ZNF835: variants seen among roughly 807,000 people sequenced by gnomAD.
ZNF835 encodes the protein zinc finger protein 835.
For synonymous variants in ZNF835, 323 were observed against 324.7 expected (o/e 0.99, Z 0.06); for missense variants, 783 against 758.4 (o/e 1.03, Z -0.38).
rs1299633026 is a variant in ZNF835, at chr19:56,663,837, G to C, written c.1362C>G (p.Ala454=). Residue 454 remains alanine (A), a synonymous_variant, in exon 2 of 2, where the codon GCC becomes GCG. Coordinates refer to ENST00000537055, the MANE Select transcript of ZNF835 (RefSeq NM_001005850.3). Reference sequence around the variant, plus strand: ...GGATCAGGTAGGAGCGGTTGCTGAAGGCCTTGCCGCACTCGGGGCAGGTGT... The same window carrying C: ...GGATCAGGTAGGAGCGGTTGCTGAACGCCTTGCCGCACTCGGGGCAGGTGT... ...RPYTCPECGK[A]FSNRSYLIQH... is the part of the protein sequence containing the mutation. The C allele has an allele frequency of 3.1e-6, 5 of 1,613,742 alleles. No individual in the cohort carries two copies. The highest frequency in any genetic ancestry group is 4.2e-6 in the Non-Finnish European group (5 of 1,179,966).
intron 1 of ZNF835, among the ~76,000 whole-genome samples, chr19:56,669,294 C>G (rs1408427112): frequency 6.6e-6 from 1 of 152,146 alleles, no homozygotes; most frequent in Non-Finnish European, 1.5e-5. Context: ...TCTCTGGGTG[C>G]TCGACAGCCC....
At chr19:56,666,251 T>C (rs963558399) in intron 1 of ZNF835, among the ~76,000 whole-genome samples, 2 of 152,076 alleles carry the variant, frequency 1.3e-5, no homozygotes, top group African/African-American at 4.8e-5. Context: ...GGACTACAGG[T>C]GCACGCCACC....
At chr19:56,671,262 C>T in intron 1 of ZNF835, among the ~76,000 whole-genome samples, 1 of 151,822 alleles carries the variant, frequency 6.6e-6, no homozygotes, top group East Asian at 1.9e-4. Context: ...CACTCAGGGA[C>T]AGGCTCACAG....
chr19:56,668,823 C>T (rs1368830629), intron 1 of ZNF835, among the ~76,000 whole-genome samples: 1 of 151,958 alleles, frequency 6.6e-6, no homozygotes, highest in African/African-American at 2.4e-5. Context: ...TAAGAACTTG[C>T]TGGTGGGGGC....
Position 56,664,982 on chromosome 19 carries a change from T to A in ZNF835, c.217A>T (p.Ser73Cys). 6.2e-7 allele frequency: 1 copy of A among 1,614,038 alleles called. No homozygotes were observed. The highest frequency in any genetic ancestry group is 1.6e-4 in the Middle Eastern group (1 of 6,062). ...CGGGAACTGCTGTCGTCGGGGACAC[T>A]GGCTTGGGTAGCAGCAGGGCTCGAT... ...TISSPAATQA[S>C]VPDDSSSRRC... is the part of the protein sequence containing the mutation. The change falls in exon 2 of 2, where the codon AGT (serine) becomes TGT (cysteine). Residue 73 changes from serine to cysteine, a missense_variant. Transcript: ENST00000537055.
rs769598202 is a variant in ZNF835, at chr19:56,663,505, G to A, written c.*80C>T. ...AAGTTAACAAGCTTCTCTGAGCCTCGGTTTCCTCACAGGAAGCGTCGGGGA... is the reference window on the plus strand; with the variant it reads ...AAGTTAACAAGCTTCTCTGAGCCTCAGTTTCCTCACAGGAAGCGTCGGGGA... On this transcript the variant is annotated 3_prime_UTR_variant, in exon 2 of 2. Coordinates refer to ENST00000537055, the MANE Select transcript of ZNF835 (RefSeq NM_001005850.3). 1.7e-4 allele frequency: 266 copies of A among 1,569,114 alleles called. No individual in the cohort carries two copies. Among genetic ancestry groups the A allele is most frequent in the Non-Finnish European group, 2.1e-4 (241 of 1,156,006 alleles).
In ZNF835 at chr19:56,663,266, C is replaced by T; in HGVS notation, c.*319G>A. 2 of 358,042 alleles carry T rather than the reference C, an allele frequency of 5.6e-6. No homozygotes were observed. The highest frequency in any genetic ancestry group is 1.0e-5 in the Non-Finnish European group (2 of 195,976). The allele number at this position is 358,042 out of a possible 1,614,324, so 22.2% of individuals were successfully genotyped here. ...CCCGGGAGGCAGAAGTTTCAGTGAG[C>T]CGAGATCGCTCCACTGCACTCTAGC... On this transcript the variant is annotated 3_prime_UTR_variant, in exon 2 of 2. Coordinates refer to ENST00000537055, the MANE Select transcript of ZNF835 (RefSeq NM_001005850.3).
intron 1 of ZNF835, among the ~76,000 whole-genome samples, chr19:56,668,090 C>T (rs537187450): frequency 5.9e-4 from 89 of 151,284 alleles, no homozygotes; most frequent in Middle Eastern, 3.5e-3. Flanking sequence ...CTTCACCTTC[C>T]GGGTTCAAGC....
rs1468553963 is a variant in ZNF835 at position 56,662,245 on chromosome 19, GAGA to G, written c.*1337_*1339del. The G allele has an allele frequency of 1.3e-5, 2 of 152,172 alleles. No homozygotes were observed. Among genetic ancestry groups the G allele is most frequent in the Non-Finnish European group, 2.9e-5 (2 of 68,054 alleles). The allele number at this position is 152,172 out of a possible 1,614,324, so 9.4% of individuals were successfully genotyped here. The stretch of plus-strand genomic sequence containing the variant: ...CACACCCAGGTGAGATGTGAGTCAG[GAGA>G]AGAAGATCAAATTGGCCCAGCTGAG... On this transcript the variant is annotated 3_prime_UTR_variant, in exon 2 of 2. Coordinates refer to ENST00000537055, the MANE Select transcript of ZNF835 (RefSeq NM_001005850.3).
At chr19:56,665,820 C>A (rs1161962969) in intron 1 of ZNF835, among the ~76,000 whole-genome samples, 1 of 152,078 alleles carries the variant, frequency 6.6e-6, no homozygotes, top group Non-Finnish European at 1.5e-5. Context: ...TTTAAAAAGT[C>A]TCCAGACACT....
Position 56,663,037 on chromosome 19 carries a change from T to G in ZNF835, c.*548A>C, listed in dbSNP as rs1336730468. On this transcript the variant is annotated 3_prime_UTR_variant, in exon 2 of 2. Coordinates refer to ENST00000537055, the MANE Select transcript of ZNF835 (RefSeq NM_001005850.3). ...AGTCCGGGTGTGGTGGCCGGGCGCC[T>G]GTAGTCCCAGCTACTCGGGAGGCTG... The G allele has an allele frequency of 6.5e-6, 1 of 153,728 alleles. No individual in the cohort carries two copies. Among genetic ancestry groups the G allele is most frequent in the Non-Finnish European group, 1.4e-5 (1 of 69,468 alleles). 9.5% of individuals were successfully genotyped at this position (153,728 alleles called of 1,614,324 possible).
rs1568523398 is a variant in ZNF835 at position 56,664,172 on chromosome 19, AG to A, written c.1026del (p.Phe343SerfsTer7). 1 of 1,611,624 alleles carries A rather than the reference AG, an allele frequency of 6.2e-7. No individual in the cohort carries two copies. The highest frequency in any genetic ancestry group is 2.2e-5 in the East Asian group (1 of 44,842). ...TGCGTCAGGTGCGACACCTGGGTGA[AG>A]GCCTTGGCGCACTGGCCGCACGCGT... is the stretch of plus-strand genomic sequence containing the variant. The part of the protein sequence containing the change: ...KPYACGQCAK[A>X]FTQVSHLTQH... On this transcript the variant is annotated frameshift_variant, in exon 2 of 2. Transcript: ENST00000537055. LOFTEE classifies it low-confidence loss of function (END_TRUNC).
rs763431108 is a variant in ZNF835, at chr19:56,665,012, T to C, written c.187A>G (p.Thr63Ala). 1.9e-6 allele frequency: 3 copies of C among 1,613,820 alleles called. No homozygotes were observed. Among genetic ancestry groups the C allele is most frequent in the African/African-American group, 1.3e-5 (1 of 74,896 alleles). The change falls in exon 2 of 2, where the codon ACC becomes GCC. Residue 63 changes from threonine to alanine, a missense_variant. Thr to Ala is a moderately conservative substitution (Grantham distance 58). Transcript: ENST00000537055. ...TGGGTAGCAGCAGGGCTCGATATGG[T>C]TCTTGGGATTCGGCTGAATTCATCG... ...ERDEFSRIPR[T>A]ISSPAATQAS...
At position 56,664,437 on chromosome 19, in the gene ZNF835, C is replaced by T; in HGVS notation, c.762G>A (p.Ala254=). Residue 254 remains alanine (A), a synonymous_variant, in exon 2 of 2, where the codon GCG becomes GCA. Transcript: ENST00000537055. The part of the protein sequence containing the change: ...HTGEKPYECS[A]CAKAFRFSSA... ...AGGAGAAGCGGAAGGCCTTGGCGCA[C>T]GCGGAGCACTCGTAGGGCTTCTCAC... 6.2e-7 allele frequency: 1 copy of T among 1,610,964 alleles called. No homozygotes were observed. The highest frequency in any genetic ancestry group is 8.5e-7 in the Non-Finnish European group (1 of 1,178,850).
intron 1 of ZNF835, among the ~76,000 whole-genome samples, chr19:56,667,276 G>C (rs2045254672): frequency 6.6e-6 from 1 of 152,232 alleles, no homozygotes; most frequent in African/African-American, 2.4e-5. Flanking sequence ...TGATGCTTTA[G>C]TTCTAACAGA....
intron 1 of ZNF835, among the ~76,000 whole-genome samples, chr19:56,668,887 G>A (rs1031340081): frequency 4.6e-5 from 7 of 152,074 alleles, no homozygotes; most frequent in African/African-American, 1.7e-4. Context: ...AGTGTGCAGG[G>A]GTACCCACCT....
chr19:56,669,234 T>G (rs2045270334), intron 1 of ZNF835, among the ~76,000 whole-genome samples: 1 of 152,156 alleles, frequency 6.6e-6, no homozygotes, highest in Non-Finnish European at 1.5e-5. Flanking sequence ...AACAGCCAGA[T>G]GGAAGACACA....
chr19:56,670,676 C>T (rs568678483), intron 1 of ZNF835, among the ~76,000 whole-genome samples: 199 of 152,326 alleles, frequency 1.3e-3, no homozygotes, highest in African/African-American at 4.4e-3. Flanking sequence ...TGCAGTCACA[C>T]TCGGTGGATA....
Position 56,663,768 on chromosome 19 carries a change from G to A in ZNF835, c.1431C>T (p.Ser477=), listed in dbSNP as rs1205648486. Residue 477 remains serine, a synonymous_variant, in exon 2 of 2, where the codon AGC becomes AGT. Coordinates refer to ENST00000537055, the MANE Select transcript of ZNF835 (RefSeq NM_001005850.3). ...AGAAGCTGAAGGCCTTCCCGCAGCCGCTGCACTCGTAGGGCTTCTCCCCGG... is the reference window on the plus strand; with the variant it reads ...AGAAGCTGAAGGCCTTCCCGCAGCCACTGCACTCGTAGGGCTTCTCCCCGG... ...VHTGEKPYEC[S]GCGKAFSFSS... 1 of 1,613,958 alleles carries A rather than the reference G, an allele frequency of 6.2e-7. No homozygotes were observed. The highest frequency in any genetic ancestry group is 8.5e-7 in the Non-Finnish European group (1 of 1,179,912).
Sources: allele counts gnomAD v4.1 joint callset (sites outside exome capture counted in the v4.1 genomes callset), GRCh38; gene constraint gnomAD v4.1.1; transcripts MANE v1.5; gene names NCBI Gene and HGNC (gene_info 2026-07-23, HGNC 2026-07-21).